GMDS: variants seen among roughly 807,000 people sequenced by gnomAD.
The protein encoded by GMDS is GDP-mannose 4,6-dehydratase.
Under a neutral mutation model 49.9 loss-of-function variants are expected in GMDS, and 20 were observed. The ratio of observed to expected loss-of-function variants is 0.40; its 90% CI spans 0.28 to 0.58. The LOEUF (loss-of-function observed/expected upper bound fraction) is 0.58. Among genes scored for constraint, GMDS ranks in the 20% least tolerant of loss-of-function variants. GMDS has a pLI of 0.42. For missense variants in GMDS, 362 were observed against 481.4 expected (o/e 0.75, Z 2.32); for synonymous variants, 177 against 178.6 (o/e 0.99, Z 0.07).
At chr6:1,925,406 G>A (rs1761945970) in intron 7 of GMDS, among the ~76,000 whole-genome samples, 1 of 152,148 alleles carries the variant, frequency 6.6e-6, no homozygotes, top group African/African-American at 2.4e-5. Flanking sequence ...AAATCATTGT[G>A]AAAATTTTTA....
intron 7 of GMDS, among the ~76,000 whole-genome samples, chr6:1,907,127 T>C (rs1760816792): frequency 6.6e-6 from 1 of 152,234 alleles, no homozygotes; most frequent in Non-Finnish European, 1.5e-5. Context: ...TTATTTGCTG[T>C]TTCGCATGTG....
chr6:1,967,298 C>T (rs1011036421), intron 4 of GMDS, among the ~76,000 whole-genome samples: 26 of 152,156 alleles, frequency 1.7e-4, no homozygotes, highest in African/African-American at 6.0e-4. Context: ...TCTTGTTCTC[C>T]GCAGTGTCTC....
rs1305735438 is a variant in GMDS at position 1,640,321 on chromosome 6, T to C, written c.988-15781A>G. On this transcript the variant is annotated intron_variant, in intron 9 of 10. Transcript: ENST00000380815. The surrounding 1 kb of genome is among the most constrained non-coding windows in gnomAD (Gnocchi z 4.0). ...ACATGGGATTTAGGGTCACAGAGAC[T>C]TAGGTTGACACTAGATTCACCACGT... Among the ~76,000 whole-genome samples the C allele has an allele frequency of 2.0e-5, 3 of 152,178 alleles. No individual in the cohort carries two copies. In the East Asian group the frequency reaches 5.8e-4, roughly 29 times the overall value.
intron 1 of GMDS, among the ~76,000 whole-genome samples, chr6:2,160,093 A>C (rs1419244150): frequency 1.3e-5 from 2 of 152,202 alleles, no homozygotes; most frequent in Non-Finnish European, 2.9e-5. Context: ...ATTTAAGCCT[A>C]AATATTAACA....
chr6:2,134,423 C>A (rs1188761563), intron 1 of GMDS, among the ~76,000 whole-genome samples: 1 of 152,162 alleles, frequency 6.6e-6, no homozygotes, highest in Non-Finnish European at 1.5e-5. Context: ...TAGTGGAGTT[C>A]TCTAGGTGGA....
intron 7 of GMDS, among the ~76,000 whole-genome samples, chr6:1,756,994 C>G (rs904833873): frequency 6.6e-6 from 1 of 152,110 alleles, no homozygotes; most frequent in East Asian, 1.9e-4. Context: ...CAAAAGGACA[C>G]GCAGGATGGG....
intron 9 of GMDS, among the ~76,000 whole-genome samples, chr6:1,687,339 C>T (rs572799346): frequency 9.8e-5 from 15 of 152,312 alleles, no homozygotes; most frequent in Admixed American, 7.8e-4. Flanking sequence ...CTGGAAGTGG[C>T]GCAGGCCTCC....
At chr6:1,699,014 C>T (rs527476934) in intron 9 of GMDS, among the ~76,000 whole-genome samples, 1 of 152,206 alleles carries the variant, frequency 6.6e-6, no homozygotes, top group African/African-American at 2.4e-5. Flanking sequence ...GCAGCTCAGA[C>T]CTTTAAAAAG....
intron 1 of GMDS, among the ~76,000 whole-genome samples, chr6:2,139,429 G>A (rs1322398194): frequency 3.3e-5 from 5 of 152,236 alleles, no homozygotes; most frequent in African/African-American, 7.2e-5. Flanking sequence ...GAAATATATC[G>A]TGCACTGCTT....
Position 1,848,199 on chromosome 6 carries a change from A to G in GMDS, c.771+81904T>C, listed in dbSNP as rs541469926. On this transcript the variant is annotated intron_variant, in intron 7 of 10. Coordinates refer to ENST00000380815, the MANE Select transcript of GMDS (RefSeq NM_001500.4). ...TGTAAAATCTCCAAGACCAGGTCCC[A>G]ACGTACCGCCCCATTTCATCATCTA... Among the ~76,000 whole-genome samples, 6 of 152,298 alleles carry G rather than the reference A, an allele frequency of 3.9e-5. No individual in the cohort carries two copies. In the South Asian group the frequency reaches 6.2e-4, roughly 16 times the overall value.
intron 7 of GMDS, among the ~76,000 whole-genome samples, chr6:1,893,525 C>G (rs1759996278): frequency 6.6e-6 from 1 of 152,212 alleles, no homozygotes; most frequent in Admixed American, 6.5e-5. Context: ...GCAACCTTCT[C>G]CATCCTCTTT....
chr6:1,795,117 T>C (rs1340040005), intron 7 of GMDS, among the ~76,000 whole-genome samples: 2 of 152,196 alleles, frequency 1.3e-5, no homozygotes, highest in Non-Finnish European at 2.9e-5. Flanking sequence ...GGAGGATCAC[T>C]TGAGTCCGGG....
At chr6:2,005,196 C>G (rs1767081230) in intron 4 of GMDS, among the ~76,000 whole-genome samples, 1 of 152,096 alleles carries the variant, frequency 6.6e-6, no homozygotes, top group African/African-American at 2.4e-5. Context: ...TGGAATAGCT[C>G]AAGTCCTTAC....
intron 9 of GMDS, among the ~76,000 whole-genome samples, chr6:1,669,641 A>G (rs1420032752): frequency 6.6e-6 from 1 of 152,108 alleles, no homozygotes; most frequent in Non-Finnish European, 1.5e-5. Flanking sequence ...AGCTGGGTAC[A>G]GTGGCTCATG....
chr6:1,948,458 CA>C (rs1763189239), intron 6 of GMDS, among the ~76,000 whole-genome samples: 1 of 152,010 alleles, frequency 6.6e-6, no homozygotes, highest in African/African-American at 2.4e-5. Flanking sequence ...AAGATTTTTA[CA>C]GGACCATTAA....
intron 7 of GMDS, among the ~76,000 whole-genome samples, chr6:1,749,018 T>A (rs1767621992): frequency 6.6e-6 from 1 of 152,170 alleles, no homozygotes; most frequent in Non-Finnish European, 1.5e-5. Context: ...CCCTGAAGAA[T>A]CTTAGGAGGG....
At chr6:2,052,116 C>CAAAAAAAAAAAAAAAAAAAAA (rs1285013159) in intron 4 of GMDS, among the ~76,000 whole-genome samples, 36 of 43,580 alleles carry the variant, frequency 8.3e-4, no homozygotes, top group East Asian at 1.7e-3. Flanking sequence ...GACTCTGTCT[C>CAAAAAAAAAAAAAAAAAAAAA]AAAAAAAAAA....
chr6:2,095,975 G>A lies in GMDS; in HGVS notation c.345+19796C>T, dbSNP rs369880501. 1.4e-4 allele frequency among the ~76,000 whole-genome samples: 21 copies of A among 152,254 alleles called. No individual in the cohort carries two copies. In the East Asian group the frequency reaches 3.7e-3, roughly 27 times the overall value. Reference sequence around the variant, plus strand: ...CATCACAGATAGAGCAAGCATAGAAGTGACAACTGGAAGAATATATCTGCA... The same window carrying A: ...CATCACAGATAGAGCAAGCATAGAAATGACAACTGGAAGAATATATCTGCA... On this transcript the variant is annotated intron_variant, in intron 4 of 10. Transcript: ENST00000380815.
rs570000535 is a variant in GMDS at position 2,170,469 on chromosome 6, A to G, written c.103-45738T>C. Among the ~76,000 whole-genome samples, 8 of 151,926 alleles carry G rather than the reference A, an allele frequency of 5.3e-5. No individual in the cohort carries two copies. The East Asian group carries it at 1.6e-3, about 30-fold the overall frequency. On this transcript the variant is annotated intron_variant, in intron 1 of 10. Transcript: ENST00000380815. The stretch of plus-strand genomic sequence containing the variant: ...AGCAAGACCCTACCTCTACAGAAAA[A>G]AATAAAAATTAGATGGGCATAGTGG...
Sources: gnomAD v4.1 joint callset for allele counts (sites outside exome capture counted in the v4.1 genomes callset) on GRCh38, gnomAD v4.1.1 for gene constraint, Gnocchi (gnomAD v3.1) non-coding constraint, MANE v1.5 for transcripts, NCBI Gene and HGNC (gene_info 2026-07-23, HGNC 2026-07-21) for gene names.